CSMD1: variants seen among roughly 807,000 people sequenced by gnomAD.
The protein encoded by CSMD1 is CUB and Sushi multiple domains 1.
In CSMD1, 213 loss-of-function variants were observed where a neutral mutation model predicts 417.5. That is an observed-to-expected ratio of 0.51 (90% CI 0.46 to 0.57). The LOEUF (loss-of-function observed/expected upper bound fraction) is 0.57. Ranked by LOEUF, CSMD1 falls within the 20% of genes least tolerant of loss-of-function variation. CSMD1 has a pLI of 0.00. For missense variants in CSMD1, 6,923 were observed against 4,529.7 expected (o/e 1.53, Z -15.17); for synonymous variants, 2,862 against 1,736.8 (o/e 1.65, Z -16.11).
intron 3 of CSMD1, among the ~76,000 whole-genome samples, chr8:4,336,102 G>C (rs568833623): frequency 3.9e-5 from 6 of 152,200 alleles, no homozygotes; most frequent in Non-Finnish European, 5.9e-5. Flanking sequence ...ATGAGAAATA[G>C]TGTAAGTATT....
intron 10 of CSMD1, among the ~76,000 whole-genome samples, chr8:3,557,059 C>T (rs1220503177): frequency 1.3e-5 from 2 of 152,178 alleles, no homozygotes; most frequent in Non-Finnish European, 1.5e-5. Context: ...TCAAAAAACA[C>T]AGAATGGCAA....
At chr8:3,011,661 T>C (rs570144427) in intron 52 of CSMD1, among the ~76,000 whole-genome samples, 26 of 152,278 alleles carry the variant, frequency 1.7e-4, no homozygotes, top group South Asian at 1.0e-3. Context: ...ATGTCCTCTA[T>C]GTGGGAAATA....
chr8:4,505,917 G>A (rs574195831), intron 2 of CSMD1, among the ~76,000 whole-genome samples: 4 of 151,886 alleles, frequency 2.6e-5, no homozygotes, highest in Non-Finnish European at 5.9e-5. Context: ...TCATGCCTCA[G>A]CCTCCTGAGT....
intron 2 of CSMD1, among the ~76,000 whole-genome samples, chr8:4,538,667 T>C (rs940244640): frequency 6.6e-6 from 1 of 151,916 alleles, no homozygotes; most frequent in South Asian, 2.1e-4. Context: ...TGAAATGAAA[T>C]ATAATAAAAT....
intron 5 of CSMD1, among the ~76,000 whole-genome samples, chr8:3,809,036 A>T (rs1800912054): frequency 6.6e-6 from 1 of 152,134 alleles, no homozygotes; most frequent in African/African-American, 2.4e-5. Flanking sequence ...GCATGAAGAG[A>T]TACACTTAGC....
chr8:4,464,485 C>A (rs573950587), intron 2 of CSMD1, among the ~76,000 whole-genome samples: 2 of 152,108 alleles, frequency 1.3e-5, no homozygotes, highest in Non-Finnish European at 2.9e-5. Context: ...TAAGTCAAAG[C>A]TTATTTTATA....
chr8:3,720,235 C>G (rs1428766831), intron 6 of CSMD1, among the ~76,000 whole-genome samples: 1 of 152,166 alleles, frequency 6.6e-6, no homozygotes, highest in Non-Finnish European at 1.5e-5. Flanking sequence ...GCCACGTCAT[C>G]TTCACTTCCA....
chr8:4,096,463 G>C (rs1474509325), intron 3 of CSMD1, among the ~76,000 whole-genome samples: 1 of 152,158 alleles, frequency 6.6e-6, no homozygotes, highest in African/African-American at 2.4e-5. Context: ...TAAAATGTAA[G>C]AATCTTTGAG....
intron 18 of CSMD1, among the ~76,000 whole-genome samples, chr8:3,379,995 C>G (rs1459657917): frequency 3.3e-5 from 5 of 152,170 alleles, no homozygotes; most frequent in East Asian, 1.9e-4. Context: ...ATCTATCCAT[C>G]TGACAAAGGG....
At chr8:4,372,964 A>C (rs934191034) in intron 3 of CSMD1, among the ~76,000 whole-genome samples, 2 of 152,180 alleles carry the variant, frequency 1.3e-5, no homozygotes, top group African/African-American at 4.8e-5. Context: ...GCAGTGTGGC[A>C]AGAGGAAAAT....
chr8:3,815,629 T>TTC (rs1801328501), intron 5 of CSMD1, among the ~76,000 whole-genome samples: 1 of 22,270 alleles, frequency 4.5e-5, no homozygotes, highest in East Asian at 5.9e-4. Flanking sequence ...AGACTTTCTT[T>TTC]TTTTTTTTTT....
chr8:3,278,068 G>A (rs1802439028), intron 26 of CSMD1, among the ~76,000 whole-genome samples: 1 of 152,100 alleles, frequency 6.6e-6, no homozygotes, highest in Non-Finnish European at 1.5e-5. Context: ...CCTGGCATCT[G>A]ATCTTTAGAG....
At chr8:3,509,276 T>C (rs1168801482) in intron 10 of CSMD1, among the ~76,000 whole-genome samples, 1 of 152,188 alleles carries the variant, frequency 6.6e-6, no homozygotes, top group East Asian at 1.9e-4. Context: ...GCATGGACAA[T>C]GACTAAAAAA....
intron 1 of CSMD1, among the ~76,000 whole-genome samples, chr8:4,881,492 C>A (rs1803397424): frequency 6.7e-6 from 1 of 149,500 alleles, no homozygotes. Flanking sequence ...TAAACCCTTG[C>A]CTATAGAATT....
At chr8:3,112,043 G>A (rs949769438) in intron 42 of CSMD1, among the ~76,000 whole-genome samples, 2 of 151,484 alleles carry the variant, frequency 1.3e-5, no homozygotes, top group East Asian at 2.0e-4. Flanking sequence ...GCTTGCTCCG[G>A]CTCTAGAGGT....
chr8:3,493,518 C>A (rs2117302548), intron 11 of CSMD1, 105 bp downstream of exon 11: 1 of 900,228 alleles, frequency 1.1e-6, no homozygotes, highest in Non-Finnish European at 1.7e-6. Context: ...TGGCACTAAG[C>A]AAACACCTGA....
intron 2 of CSMD1, among the ~76,000 whole-genome samples, chr8:4,447,347 T>A (rs1798875298): frequency 6.6e-6 from 1 of 152,192 alleles, no homozygotes. Context: ...TTCAAAATGC[T>A]ATACAAGTTA....
At chr8:3,254,945 C>T (rs954478836) in intron 26 of CSMD1, among the ~76,000 whole-genome samples, 1 of 152,154 alleles carries the variant, frequency 6.6e-6, no homozygotes, top group East Asian at 1.9e-4. Flanking sequence ...AGGAGAGGTG[C>T]TCTGATTTTT....
intron 3 of CSMD1, among the ~76,000 whole-genome samples, chr8:4,195,014 T>A (rs539559994): frequency 6.6e-6 from 1 of 151,808 alleles, no homozygotes; most frequent in African/African-American, 2.4e-5. Flanking sequence ...TCTCTTCACA[T>A]TGTAACTTTT....
Sources: gnomAD v4.1 joint callset for allele counts (sites outside exome capture counted in the v4.1 genomes callset) on GRCh38, gnomAD v4.1.1 for gene constraint, MANE v1.5 for transcripts, NCBI Gene and HGNC (gene_info 2026-07-23, HGNC 2026-07-21) for gene names.